The following EBNA1BP2 variants were observed in gnomAD, a reference collection of about 807,000 sequenced individuals.
EBNA1BP2 encodes EBNA1 binding protein 2, also known as probable rRNA-processing protein EBP2.
Under a neutral mutation model 43.5 loss-of-function variants are expected in EBNA1BP2, and 36 were observed. That is an observed-to-expected ratio of 0.83 (90% confidence interval 0.63 to 1.09). The LOEUF is 1.09. Ranked by LOEUF, EBNA1BP2 falls within the 50% of genes least tolerant of loss-of-function variation. The pLI, the probability that EBNA1BP2 is intolerant of heterozygous loss-of-function variation, is 0.00. For missense variants in EBNA1BP2, 332 were observed against 379.1 expected (o/e 0.88, Z 1.03); for synonymous variants, 127 against 141.3 (o/e 0.90, Z 0.72).
Position 43,171,982 on chromosome 1 carries a change from A to G in EBNA1BP2, c.67-13T>C. ...ACGCATCCTGCAACTGCAGGACACA[A>G]TCACGGTCACTCCCAGGGGTGTAAG... is the stretch of plus-strand genomic sequence containing the variant. On this transcript the variant is annotated splice_polypyrimidine_tract_variant and intron_variant, in intron 1 of 8. Transcript: ENST00000236051. The G allele has an allele frequency of 1.2e-6, 2 of 1,614,052 alleles. No homozygotes were observed. The highest frequency in any genetic ancestry group is 1.1e-5 in the South Asian group (1 of 91,076).
chr1:43,169,686 G>A (rs766896266), intron 4 of EBNA1BP2, among the ~76,000 whole-genome samples: 11 of 151,988 alleles, frequency 7.2e-5, no homozygotes, highest in Non-Finnish European at 1.3e-4. Context: ...ACCTACACTC[G>A]CCTCCAGTAT....
At chr1:43,170,477 C>A (rs1217907092) in intron 4 of EBNA1BP2, among the ~76,000 whole-genome samples, 1 of 152,174 alleles carries the variant, frequency 6.6e-6, no homozygotes, top group African/African-American at 2.4e-5. Context: ...ATGACCATGC[C>A]AGCTAGGAAA....
chr1:43,170,773 C>G lies in EBNA1BP2; in HGVS notation c.430G>C (p.Asp144His), dbSNP rs2124170571. The change falls in exon 4 of 9, where the codon GAT (aspartate) becomes CAT (histidine). Residue 144 changes from aspartate to histidine, a missense_variant. Coordinates refer to ENST00000236051, the MANE Select transcript of EBNA1BP2 (RefSeq NM_006824.3). ...TDYFAEMAKS[D>H]LQMQKIRQKL... The stretch of plus-strand genomic sequence containing the variant: ...TTTCTTACCTTCTGCATCTGCAGAT[C>G]AGATTTGGCCATTTCCGCAAAATAA... 6.2e-7 allele frequency: 1 copy of G among 1,606,628 alleles called. No individual in the cohort carries two copies.
intron 3 of EBNA1BP2, 35 bp from the exon 4 acceptor site, chr1:43,170,914 AAGG>A: frequency 6.5e-7 from 1 of 1,527,710 alleles, no homozygotes; most frequent in Non-Finnish European, 8.7e-7. Flanking sequence ...TAATGAGGTG[AAGG>A]AGGAGGCCTT....
In EBNA1BP2 at chr1:43,172,104, C is replaced by A. The variant is rs750196775; in HGVS notation, c.15G>T (p.Pro5=). 3 of 1,614,144 alleles carry A rather than the reference C, an allele frequency of 1.9e-6. No homozygotes were observed. The South Asian group carries it at 3.3e-5, about 18-fold the overall frequency. MDTP[P]LSDSESESDE... ...CGGATTCCGACTCCGAATCCGAGAG[C>A]GGGGGAGTGTCCATCTCGCCGCACG... is the stretch of plus-strand genomic sequence containing the variant. Residue 5 remains proline, a synonymous_variant, in exon 1 of 9, where the codon CCG becomes CCT. Transcript: ENST00000236051.
In EBNA1BP2 at chr1:43,170,789, C is replaced by A. The variant is rs147794658; in HGVS notation, c.414G>T (p.Ala138=). 9 of 1,606,730 alleles carry A rather than the reference C, an allele frequency of 5.6e-6. No individual in the cohort carries two copies. Residue 138 remains alanine, a synonymous_variant, in exon 4 of 9, where the codon GCG becomes GCT. Coordinates refer to ENST00000236051, the MANE Select transcript of EBNA1BP2 (RefSeq NM_006824.3). The stretch of plus-strand genomic sequence containing the variant: ...TCTGCAGATCAGATTTGGCCATTTC[C>A]GCAAAATAATCAGTGGGTCGCTTCG... The part of the protein sequence containing the change: ...VPTKRPTDYF[A]EMAKSDLQMQ...
At chr1:43,165,714 G>C (rs1029175520) in intron 7 of EBNA1BP2, among the ~76,000 whole-genome samples, 5 of 152,040 alleles carry the variant, frequency 3.3e-5, no homozygotes, top group Admixed American at 6.6e-5. Context: ...CCACAGCCCA[G>C]GTCCCCCCAA....
chr1:43,169,660 G>A (rs984142593), intron 4 of EBNA1BP2, among the ~76,000 whole-genome samples: 5 of 152,158 alleles, frequency 3.3e-5, no homozygotes, highest in Non-Finnish European at 4.4e-5. Flanking sequence ...TAAAAATGGT[G>A]CAGCATTTGC....
chr1:43,167,900 C>T (rs1266705721), intron 5 of EBNA1BP2, among the ~76,000 whole-genome samples: 1 of 152,032 alleles, frequency 6.6e-6, no homozygotes, highest in Non-Finnish European at 1.5e-5. Flanking sequence ...GCCAGTAGTA[C>T]CCTCCCTCCC....
chr1:43,172,013 CT>C, intron 1 of EBNA1BP2, 39 bp downstream of exon 1: 1 of 1,614,154 alleles, frequency 6.2e-7, no homozygotes, highest in Admixed American at 1.7e-5. Context: ...GTAAGGCCCC[CT>C]CTCCCACGCC....
intron 7 of EBNA1BP2, among the ~76,000 whole-genome samples, chr1:43,166,545 T>C (rs1054484350): frequency 3.3e-5 from 5 of 152,064 alleles, no homozygotes; most frequent in Admixed American, 6.6e-5. Context: ...GTGGCAGAGG[T>C]TGCAGTGAGC....
rs140679058 is a variant in EBNA1BP2, at chr1:43,168,998, C to T, written c.478G>A (p.Ala160Thr). 6.2e-7 allele frequency: 1 copy of T among 1,614,192 alleles called. No homozygotes were observed. The highest frequency in any genetic ancestry group is 1.1e-5 in the South Asian group (1 of 91,084). The change falls in exon 5 of 9, where the codon GCC becomes ACC. Residue 160 changes from alanine (A) to threonine (T), a missense_variant. By Grantham distance (58) the Ala-to-Thr change is moderately conservative (BLOSUM62 0). Coordinates refer to ENST00000236051, the MANE Select transcript of EBNA1BP2 (RefSeq NM_006824.3). ...IRQKLQTKQA[A>T]MERSEKAKQL... Reference sequence around the variant, plus strand: ...TTAGCTTTTTCAGACCTCTCCATGGCAGCCTGTTTAGTCTGCAGCTTCTGT... The same window carrying T: ...TTAGCTTTTTCAGACCTCTCCATGGTAGCCTGTTTAGTCTGCAGCTTCTGT...
rs535649425 is a variant in EBNA1BP2, at chr1:43,170,838, C to G, written c.365G>C (p.Arg122Pro). Residue 122 changes from arginine to proline, a missense_variant, in exon 4 of 9, where the codon CGC (arginine) becomes CCC (proline). Arg to Pro is a moderately radical substitution (Grantham distance 103). Transcript: ENST00000236051. ...AQAAVLAVLP[R>P]LHQLKVPTKR... ...CGTAGGGACTTTGAGCTGATGGAGG[C>G]GGGGTAAGACTGCAAGCACTGCGGC... The G allele has an allele frequency of 1.9e-6, 3 of 1,600,754 alleles. No homozygotes were observed. Among genetic ancestry groups the G allele is most frequent in the South Asian group, 2.3e-5 (2 of 88,518 alleles).
Position 43,172,213 on chromosome 1 carries a change from C to T in EBNA1BP2, c.-95G>A, listed in dbSNP as rs1243267150. On this transcript the variant is annotated 5_prime_UTR_variant, in exon 1 of 9. Transcript: ENST00000236051. ...GGCGGCCCTGGCCGCTGCTGCCTGCCTTCAGCCCCCTACTCCCACGCCGTG... is the reference window on the plus strand; with the variant it reads ...GGCGGCCCTGGCCGCTGCTGCCTGCTTTCAGCCCCCTACTCCCACGCCGTG... 1.9e-6 allele frequency: 3 copies of T among 1,585,900 alleles called. No homozygotes were observed. Among genetic ancestry groups the T allele is most frequent in the Non-Finnish European group, 2.6e-6 (3 of 1,165,404 alleles).
intron 5 of EBNA1BP2, 65 bp downstream of exon 5, chr1:43,168,874 A>G: frequency 6.5e-7 from 1 of 1,534,346 alleles, no homozygotes; most frequent in East Asian, 2.2e-5. Flanking sequence ...ACCAAGTCAG[A>G]CCACGGCAAT....
chr1:43,164,371 G>A lies in EBNA1BP2; in HGVS notation c.*72C>T, dbSNP rs1365957234. On this transcript the variant is annotated 3_prime_UTR_variant, in exon 9 of 9. Transcript: ENST00000236051. ...TGTTTACAACATGACACCAACAGAA[G>A]GGATCAAAGTGTGTCGTGAAATTGC... 10 of 1,568,836 alleles carry A rather than the reference G, an allele frequency of 6.4e-6. No homozygotes were observed. The highest frequency in any genetic ancestry group is 2.2e-5 in the East Asian group (1 of 44,648).
Position 43,170,874 on chromosome 1 carries a change from C to G in EBNA1BP2, c.329G>C (p.Arg110Pro). 1 of 1,570,038 alleles carries G rather than the reference C, an allele frequency of 6.4e-7. No individual in the cohort carries two copies. The highest frequency in any genetic ancestry group is 8.6e-7 in the Non-Finnish European group (1 of 1,163,954). Residue 110 changes from arginine to proline, a missense_variant, in exon 4 of 9, where the codon CGC becomes CCC. Transcript: ENST00000236051. ...TGCAAGCACTGCGGCCTGGGCTTGG[C>G]GATAGCTGAGAATCGTAGGACAAAA... ...DDFQREMSFY[R>P]QAQAAVLAVL...
chr1:43,172,481 G>A, upstream of EBNA1BP2: 2 of 1,531,294 alleles, frequency 1.3e-6, no homozygotes, highest in African/African-American at 1.4e-5. Flanking sequence ...GGGGTCGCCA[G>A]AAGGAGCTGG....
At chr1:43,171,144 G>A in intron 3 of EBNA1BP2, 1 of 460,234 alleles carries the variant, frequency 2.2e-6, no homozygotes. Context: ...ACAAACGAAT[G>A]TCGATTATGG....
Sources: gnomAD v4.1 joint callset for allele counts (sites outside exome capture counted in the v4.1 genomes callset) on GRCh38, gnomAD v4.1.1 for gene constraint, MANE v1.5 for transcripts, NCBI Gene and HGNC (gene_info 2026-07-23, HGNC 2026-07-21) for gene names.